The following ST3GAL6 variants were observed in gnomAD, a reference collection of about 807,000 sequenced individuals.
ST3GAL6 encodes the protein ST3 beta-galactoside alpha-2,3-sialyltransferase 6, also known as type 2 lactosamine alpha-2,3-sialyltransferase.
Under a neutral mutation model 40.5 loss-of-function variants are expected in ST3GAL6, and 31 were observed. The ratio of observed to expected loss-of-function variants is 0.77; its 90% CI spans 0.58 to 1.03. The LOEUF is 1.03. Ranked by LOEUF, ST3GAL6 falls within the 50% of genes least tolerant of loss-of-function variation. ST3GAL6 has a pLI of 0.00. For synonymous variants in ST3GAL6, 129 were observed against 136.9 expected, an observed-to-expected ratio of 0.94 and a Z score of 0.40; for missense variants, 357 against 393.2, an observed-to-expected ratio of 0.91 and a Z score of 0.78.
chr3:98,762,292 C>T (rs1937872142), upstream of ST3GAL6, among the ~76,000 whole-genome samples: 1 of 152,166 alleles, frequency 6.6e-6, no homozygotes, highest in Non-Finnish European at 1.5e-5. Context: ...ATGTATACAG[C>T]TGATCTAATT....
rs557662102 is a variant in ST3GAL6, at chr3:98,785,125, A to C, written c.431+85A>C. 6 of 925,906 alleles carry C rather than the reference A, an allele frequency of 6.5e-6. No individual in the cohort carries two copies. In the East Asian group the frequency reaches 1.5e-4, roughly 24 times the overall value. The allele number at this position is 925,906 out of a possible 1,614,324, so 57.4% of individuals were successfully genotyped here. A position where few individuals can be genotyped will look rare whatever the true frequency, so the allele number is the denominator to read the frequency against. On this transcript the variant is annotated intron_variant, in intron 6 of 9. Transcript: ENST00000483910. The stretch of plus-strand genomic sequence containing the variant: ...TTAATACAGCTGTGTTTTGACAGGA[A>C]GGGGAGATGTTTCCATTTGGTTTTT...
chr3:98,750,116 C>T (rs1180238993), intron 1 of ST3GAL6, among the ~76,000 whole-genome samples: 1 of 152,208 alleles, frequency 6.6e-6, no homozygotes, highest in Admixed American at 6.5e-5. Context: ...GCCATGTTTT[C>T]TTGCATTCTG....
At chr3:98,766,707 C>T (rs1209520422) in intron 1 of ST3GAL6, among the ~76,000 whole-genome samples, 1 of 152,174 alleles carries the variant, frequency 6.6e-6, no homozygotes, top group Non-Finnish European at 1.5e-5. Context: ...AGGCATGAGC[C>T]ACTGCGCCCA....
At chr3:98,737,366 GTCTCTCTT>G (rs1935643649) in intron 1 of ST3GAL6, among the ~76,000 whole-genome samples, 1 of 151,972 alleles carries the variant, frequency 6.6e-6, no homozygotes, top group Admixed American at 6.6e-5. Flanking sequence ...CTGTCTCTCT[GTCTCTCTT>G]TCTCTCTCTC....
At chr3:98,742,827 A>C (rs1313901065) in intron 1 of ST3GAL6, among the ~76,000 whole-genome samples, 1 of 150,902 alleles carries the variant, frequency 6.6e-6, no homozygotes, top group Non-Finnish European at 1.5e-5. Flanking sequence ...CCTTCCAAGT[A>C]GCTGGGATAC....
intron 1 of ST3GAL6, among the ~76,000 whole-genome samples, chr3:98,743,413 T>G (rs1036141075): frequency 6.6e-6 from 1 of 151,988 alleles, no homozygotes; most frequent in Non-Finnish European, 1.5e-5. Flanking sequence ...AACAGACAAC[T>G]CAAGTGTCTG....
intron 8 of ST3GAL6, among the ~76,000 whole-genome samples, chr3:98,790,108 T>C (rs1322929928): frequency 1.3e-5 from 2 of 152,184 alleles, no homozygotes; most frequent in Non-Finnish European, 2.9e-5. Flanking sequence ...AAATCTTTAG[T>C]GGACTTTTTG....
At chr3:98,764,363 T>A (rs1034937503) in intron 1 of ST3GAL6, among the ~76,000 whole-genome samples, 1 of 152,158 alleles carries the variant, frequency 6.6e-6, no homozygotes, top group Admixed American at 6.5e-5. Flanking sequence ...GAGTTTGTTT[T>A]TATAAACAAT....
chr3:98,733,027 G>C, intron 1 of ST3GAL6: 1 of 1,434,912 alleles, frequency 7.0e-7, no homozygotes, highest in Non-Finnish European at 9.1e-7. Context: ...GGAAATTGGG[G>C]GTGCGGGAAG....
intron 5 of ST3GAL6, chr3:98,782,771 A>G (rs1171118631): frequency 1.9e-6 from 1 of 515,314 alleles, no homozygotes; most frequent in East Asian, 5.5e-5. Flanking sequence ...CATAATCAAC[A>G]AAGAATCTGA....
intron 6 of ST3GAL6, among the ~76,000 whole-genome samples, chr3:98,785,832 T>G (rs1330009369): frequency 6.6e-6 from 1 of 152,134 alleles, no homozygotes; most frequent in Admixed American, 6.6e-5. Flanking sequence ...TGTATTCGGG[T>G]ATAATATGAT....
At chr3:98,754,170 G>C (rs1288474722) in intron 1 of ST3GAL6, among the ~76,000 whole-genome samples, 1 of 152,182 alleles carries the variant, frequency 6.6e-6, no homozygotes, top group Non-Finnish European at 1.5e-5. Context: ...TAAATTCAAA[G>C]CCTTCTGGAA....
intron 1 of ST3GAL6, among the ~76,000 whole-genome samples, chr3:98,748,744 G>C (rs920608170): frequency 2.0e-5 from 3 of 152,184 alleles, no homozygotes; most frequent in Non-Finnish European, 4.4e-5. Context: ...GGGATTACAG[G>C]TGTGAGCCAC....
rs776246677 is a variant in ST3GAL6, at chr3:98,794,915, T to TGAA, written c.*1156_*1158dup. The stretch of plus-strand genomic sequence containing the variant: ...GCTGTCTTCTAAAAAATATAAAAAG[T>TGAA]GAAGTTGGGATTTTTGGATTTAAAT... On this transcript the variant is annotated 3_prime_UTR_variant, in exon 10 of 10. Transcript: ENST00000483910. The TGAA allele has an allele frequency of 2.0e-5, 3 of 151,874 alleles. No individual in the cohort carries two copies. Among genetic ancestry groups the TGAA allele is most frequent in the South Asian group, 4.2e-4 (2 of 4,804 alleles). The allele number at this position is 151,874 out of a possible 1,614,324, so 9.4% of individuals were successfully genotyped here. A position where few individuals can be genotyped will look rare whatever the true frequency, so the allele number is the denominator to read the frequency against.
intron 1 of ST3GAL6, among the ~76,000 whole-genome samples, chr3:98,757,124 G>C (rs934648951): frequency 5.9e-5 from 9 of 152,146 alleles, no homozygotes; most frequent in African/African-American, 1.7e-4. Context: ...CTAGAGTTCA[G>C]ATGTCTACCA....
chr3:98,732,678 C>T lies in ST3GAL6; in HGVS notation c.-12+146C>T. ...CCAGCCGCGGAGCAGGAGGAGCTTC[C>T]CGCGACTCCGGAGGCGCTCGGCGCA... On this transcript the variant is annotated intron_variant, in intron 1 of 9. Transcript: ENST00000265261. 7.0e-6 allele frequency: 4 copies of T among 571,048 alleles called. No individual in the cohort carries two copies. The South Asian group carries it at 1.1e-4, about 16-fold the overall frequency. 35.4% of individuals were successfully genotyped at this position (571,048 alleles called of 1,614,324 possible). A position where few individuals can be genotyped will look rare whatever the true frequency, so the allele number is the denominator to read the frequency against.
Position 98,788,372 on chromosome 3 carries a change from A to T in ST3GAL6, c.665A>T (p.Lys222Ile), listed in dbSNP as rs574261623. 6.2e-7 allele frequency: 1 copy of T among 1,613,096 alleles called. No homozygotes were observed. The highest frequency in any genetic ancestry group is 1.3e-5 in the African/African-American group (1 of 74,992). Residue 222 changes from lysine to isoleucine, a missense_variant, in exon 8 of 10, where the codon AAA becomes ATA. By Grantham distance (102) the Lys-to-Ile change is moderately radical. Coordinates refer to ENST00000483910, the MANE Select transcript of ST3GAL6 (RefSeq NM_001323368.2). ...WKKPALNLIY[K>I]PYQIRILDPF... ...AAACCAGCCTTAAACCTGATTTATA[A>T]ACCTTATCAAATCCGAATATTAGAT...
intron 1 of ST3GAL6, among the ~76,000 whole-genome samples, chr3:98,742,693 T>C (rs1936193892): frequency 6.9e-6 from 1 of 145,638 alleles, no homozygotes; most frequent in South Asian, 2.2e-4. Context: ...TTTCTTTCTT[T>C]CTTTTTTTTT....
chr3:98,751,726 T>A (rs1029861201), intron 1 of ST3GAL6, among the ~76,000 whole-genome samples: 1 of 152,144 alleles, frequency 6.6e-6, no homozygotes, highest in African/African-American at 2.4e-5. Flanking sequence ...ATGAAAAAAA[T>A]TGGTTTTGAT....
Sources: allele counts gnomAD v4.1 joint callset (sites outside exome capture counted in the v4.1 genomes callset), GRCh38; gene constraint gnomAD v4.1.1; transcripts MANE v1.5; gene names NCBI Gene and HGNC (gene_info 2026-07-23, HGNC 2026-07-21).